Variants in AHDC1 observed in about 807,000 individuals in gnomAD.
The protein encoded by AHDC1 is transcription factor Gibbin.
AHDC1 carries 7 observed loss-of-function variants against 87.9 expected under a neutral mutation model. The observed-to-expected ratio is 0.08, with a 90% CI of 0.05 to 0.15. The LOEUF (loss-of-function observed/expected upper bound fraction) is 0.15. Among genes scored for constraint, AHDC1 ranks in the 10% least tolerant of loss-of-function variants. The probability of loss-of-function intolerance (pLI) is 1.00; values close to 1 mark genes in which losing one functional copy is unlikely to be tolerated. For synonymous variants in AHDC1, 1,051 were observed against 1,006.8 expected, an observed-to-expected ratio of 1.04 and a Z score of -0.83; for missense variants, 1,841 against 2,253.2, an observed-to-expected ratio of 0.82 and a Z score of 3.70.
At chr1:27,597,465 T>C (rs545640620) in intron 3 of AHDC1, among the ~76,000 whole-genome samples, 1 of 152,098 alleles carries the variant, frequency 6.6e-6, no homozygotes, top group Non-Finnish European at 1.5e-5. Flanking sequence ...CCCGGGTGAA[T>C]GTGAGGGGGT....
chr1:27,564,503 G>C (rs2020236523), intron 3 of AHDC1, among the ~76,000 whole-genome samples: 1 of 152,222 alleles, frequency 6.6e-6, no homozygotes, highest in South Asian at 2.1e-4. Context: ...CGCTCCTCAA[G>C]AAATGGGAAG....
At chr1:27,557,701 C>CT (rs1428482062) in intron 5 of AHDC1, among the ~76,000 whole-genome samples, 1 of 152,150 alleles carries the variant, frequency 6.6e-6, no homozygotes, top group Non-Finnish European at 1.5e-5. Flanking sequence ...ATACACACAT[C>CT]TCTCCAGTGT....
chr1:27,563,263 CCACA>C lies in AHDC1; in HGVS notation c.-628-4384_-628-4381del, dbSNP rs543797201. Among the ~76,000 whole-genome samples, 22 of 150,734 alleles carry C rather than the reference CCACA, an allele frequency of 1.5e-4. 1 individual carries two copies. The highest frequency in any genetic ancestry group is 1.2e-3 in the East Asian group (6 of 5,138). On this transcript the variant is annotated intron_variant, in intron 3 of 8. Transcript: ENST00000673934. This position sits in a 1 kb window ranked among gnomAD's most constrained non-coding sequence, Gnocchi z 6.1. Reference sequence around the variant, plus strand: ...CACACGCACGCATGCATGCACACACCCACACAAAGAACCTGTCACATAGTTGACC... The same window carrying C: ...CACACGCACGCATGCATGCACACACCCAAAGAACCTGTCACATAGTTGACC...
chr1:27,564,441 A>G (rs1469087679), intron 3 of AHDC1, among the ~76,000 whole-genome samples: 1 of 152,234 alleles, frequency 6.6e-6, no homozygotes, highest in Non-Finnish European at 1.5e-5. Context: ...CCTCATCTGT[A>G]CAAAAGGGAC....
At position 27,563,782 on chromosome 1, in the gene AHDC1, G is replaced by A. The variant is rs1370272304; in HGVS notation, c.-628-4899C>T. On this transcript the variant is annotated intron_variant, in intron 3 of 8. Transcript: ENST00000673934. The surrounding 1 kb of genome is among the most constrained non-coding windows in gnomAD (Gnocchi z 6.1). ...TGTGGCTTCCCGCCCAGTGGCGGGT[G>A]CTGGGGGAGAGGAGTGCTGGGGAGG... is the stretch of plus-strand genomic sequence containing the variant. Among the ~76,000 whole-genome samples, 1 of 152,168 alleles carries A rather than the reference G, an allele frequency of 6.6e-6. No homozygotes were observed. Among genetic ancestry groups the A allele is most frequent in the African/African-American group, 2.4e-5 (1 of 41,424 alleles).
At chr1:27,587,758 A>G (rs949781941) in intron 3 of AHDC1, among the ~76,000 whole-genome samples, 8 of 152,132 alleles carry the variant, frequency 5.3e-5, no homozygotes, top group African/African-American at 1.9e-4. Context: ...AATAATGGCT[A>G]TTATTTATTG....
In AHDC1 at chr1:27,548,667, G is replaced by A. The variant is rs745492759; in HGVS notation, c.3449C>T (p.Pro1150Leu). The A allele has an allele frequency of 1.2e-6, 2 of 1,613,432 alleles. No homozygotes were observed. The highest frequency in any genetic ancestry group is 1.1e-5 in the South Asian group (1 of 91,088). The change falls in exon 8 of 9, where the codon CCG (proline) becomes CTG (leucine). Residue 1150 changes from proline to leucine, a missense_variant. Coordinates refer to ENST00000673934, the MANE Select transcript of AHDC1 (RefSeq NM_001371928.1). ...NVILDISNYT[P>L]QKVKQQTAVS... ...AGCCGTCTGCTGCTTCACCTTCTGCGGTGTGTAGTTGGAGATGTCCAGGAT... is the reference window on the plus strand; with the variant it reads ...AGCCGTCTGCTGCTTCACCTTCTGCAGTGTGTAGTTGGAGATGTCCAGGAT...
rs1267382097 is a variant in AHDC1, at chr1:27,559,650, T to C, written c.-628-767A>G. 5.3e-5 allele frequency among the ~76,000 whole-genome samples: 8 copies of C among 152,254 alleles called. No homozygotes were observed. In the East Asian group the frequency reaches 1.5e-3, roughly 29 times the overall value. On this transcript the variant is annotated intron_variant, in intron 3 of 8. Coordinates refer to ENST00000673934, the MANE Select transcript of AHDC1 (RefSeq NM_001371928.1). ...CTGACAATGCAGATGTGAGAGGTGC[T>C]GTTCAGAGTGATGGTGGATGCGAAT...
intron 3 of AHDC1, among the ~76,000 whole-genome samples, chr1:27,582,131 T>C (rs1013624952): frequency 2.2e-4 from 34 of 152,346 alleles, no homozygotes; most frequent in Admixed American, 3.9e-4. Flanking sequence ...TCCCTGGACA[T>C]TGACCCACCT....
Position 27,550,538 on chromosome 1 carries a change from A to G in AHDC1, c.1578T>C (p.Asn526=), listed in dbSNP as rs747905044. 52 of 1,612,368 alleles carry G rather than the reference A, an allele frequency of 3.2e-5. No homozygotes were observed. In the South Asian group the frequency reaches 5.2e-4, roughly 16 times the overall value. Residue 526 remains asparagine, a synonymous_variant, in exon 8 of 9, where the codon AAT becomes AAC. Coordinates refer to ENST00000673934, the MANE Select transcript of AHDC1 (RefSeq NM_001371928.1). ...GGAAGACCACTACCACGTTCCGCCC[A>G]TTGTTCTTCATCTTCAGCAGCGGGG... ...EPTPLLKMKN[N]GRNVVVVFPP...
At position 27,550,970 on chromosome 1, in the gene AHDC1, G is replaced by A. The variant is rs200228240; in HGVS notation, c.1146C>T (p.Tyr382=). ...GPPGPEGHPK[Y]ALRRTDRPKI... ...TTGGCCTATCAGTGCGCCGCAAGGC[G>A]TACTTGGGGTGACCCTCAGGCCCGG... Residue 382 remains tyrosine (Y), a synonymous_variant, in exon 8 of 9, where the codon TAC becomes TAT. Transcript: ENST00000673934. The A allele has an allele frequency of 9.8e-5, 156 of 1,593,132 alleles. 2 individuals carry two copies. The South Asian group carries it at 1.1e-3, about 11-fold the overall frequency.
intron 8 of AHDC1, among the ~76,000 whole-genome samples, chr1:27,546,479 T>C (rs1215537758): frequency 1.3e-5 from 2 of 152,264 alleles, no homozygotes; most frequent in African/African-American, 4.8e-5. Flanking sequence ...GGAAAGGGAC[T>C]GGCTTTTCTA....
In AHDC1 at chr1:27,548,841, AAGGAGGAGG is replaced by A. The variant is rs530256606; in HGVS notation, c.3266_3274del (p.Ser1089_Ser1091del). On this transcript the variant is annotated inframe_deletion, in exon 8 of 9. Coordinates refer to ENST00000673934, the MANE Select transcript of AHDC1 (RefSeq NM_001371928.1). ...CCGACAGTTCTCGGGCGAGGGCTGG[AAGGAGGAGG>A]AGGAGGAGGAGGCGGCAGAGGCTGC... 4 of 1,611,638 alleles carry A rather than the reference AAGGAGGAGG, an allele frequency of 2.5e-6. No individual in the cohort carries two copies. The highest frequency in any genetic ancestry group is 1.7e-5 in the Admixed American group (1 of 59,908).
At chr1:27,542,484 G>A (rs2018973000) in intron 8 of AHDC1, among the ~76,000 whole-genome samples, 1 of 152,246 alleles carries the variant, frequency 6.6e-6, no homozygotes, top group African/African-American at 2.4e-5. Context: ...GCTGGTCAGA[G>A]GCCCCGGAGT....
In AHDC1 at chr1:27,551,399, A is replaced by G; in HGVS notation, c.717T>C (p.Leu239=). 1 of 1,613,718 alleles carries G rather than the reference A, an allele frequency of 6.2e-7. No homozygotes were observed. The highest frequency in any genetic ancestry group is 8.5e-7 in the Non-Finnish European group (1 of 1,179,946). ...PEPDSTDYSE[L]ADADILSELA... is the part of the protein sequence containing the mutation. ...GCTCACTAAGGATGTCGGCGTCAGC[A>G]AGTTCTGAGTAATCAGTGCTGTCTG... The change falls in exon 8 of 9, where the codon CTT becomes CTC. Residue 239 remains leucine, a synonymous_variant. Transcript: ENST00000673934.
chr1:27,567,169 G>A (rs745624093), intron 3 of AHDC1, among the ~76,000 whole-genome samples: 4 of 152,124 alleles, frequency 2.6e-5, no homozygotes, highest in Non-Finnish European at 5.9e-5. Flanking sequence ...CAGTCTAGCT[G>A]AAGATCCTGC....
At position 27,549,442 on chromosome 1, in the gene AHDC1, C is replaced by T; in HGVS notation, c.2674G>A (p.Gly892Arg). ...ACTGCCACTGGGCTGGCCTTGGCTC[C>T]CCGGCTAGGGAAGGTGGCCAGGCCC... ...QRGLATFPSR[G>R]AKASPVAVGS... The change falls in exon 8 of 9, where the codon GGA becomes AGA. Residue 892 changes from glycine to arginine, a missense_variant. Coordinates refer to ENST00000673934, the MANE Select transcript of AHDC1 (RefSeq NM_001371928.1). 6.2e-7 allele frequency: 1 copy of T among 1,612,844 alleles called. No individual in the cohort carries two copies. The highest frequency in any genetic ancestry group is 8.5e-7 in the Non-Finnish European group (1 of 1,179,814).
Position 27,551,543 on chromosome 1 carries a change from C to T in AHDC1, c.573G>A (p.Glu191=). The T allele has an allele frequency of 6.2e-7, 1 of 1,606,040 alleles. No homozygotes were observed. Among genetic ancestry groups the T allele is most frequent in the Non-Finnish European group, 8.5e-7 (1 of 1,175,424 alleles). ...GCTCGTAGAGGGGATGGCTGGGCCG[C>T]TCCGACTTGGCGTGTGGGGTGGCCC... ...EERATPHAKS[E]RPSHPLYEPE... is the part of the protein sequence containing the mutation. Residue 191 remains glutamate (E), a synonymous_variant, in exon 8 of 9, where the codon GAG becomes GAA. Transcript: ENST00000673934.
chr1:27,547,039 G>A lies in AHDC1; in HGVS notation c.*43+222C>T, dbSNP rs542420973. Among the ~76,000 whole-genome samples, 1 of 150,488 alleles carries A rather than the reference G, an allele frequency of 6.6e-6. No homozygotes were observed. The highest frequency in any genetic ancestry group is 2.1e-4 in the South Asian group (1 of 4,764). ...TTCAATTCACAAGACCCCCCCGAAC[G>A]TTCAAGCCCCCTGCTGAGTTCCCAG... On this transcript the variant is annotated intron_variant, in intron 8 of 8. Transcript: ENST00000673934. The surrounding 1 kb of genome is among the most constrained non-coding windows in gnomAD (Gnocchi z 4.9).
Sources: gnomAD v4.1 joint callset for allele counts (sites outside exome capture counted in the v4.1 genomes callset) on GRCh38, gnomAD v4.1.1 for gene constraint, Gnocchi (gnomAD v3.1) non-coding constraint, MANE v1.5 for transcripts, NCBI Gene and HGNC (gene_info 2026-07-23, HGNC 2026-07-21) for gene names.